Variants in UTS2B observed in about 807,000 individuals in gnomAD.
The protein encoded by UTS2B is urotensin 2B, also known as urotensin-2B.
In UTS2B, 21 loss-of-function variants were observed where a neutral mutation model predicts 19.2. The observed-to-expected ratio is 1.09, with a 90% CI of 0.78 to 1.58. The LOEUF (loss-of-function observed/expected upper bound fraction) is 1.58, where lower values mean the gene tolerates loss of function less well. Among genes scored for constraint, UTS2B ranks in the 40% most tolerant of loss-of-function variants. The probability of loss-of-function intolerance (pLI) is 0.00; values close to 1 mark genes in which losing one functional copy is unlikely to be tolerated. For synonymous variants in UTS2B, 57 were observed against 50.2 expected, an observed-to-expected ratio of 1.14 and a Z score of -0.58; for missense variants, 138 against 130.3, an observed-to-expected ratio of 1.06 and a Z score of -0.29.
At chr3:191,343,255 G>A in the UTS2B span, among the ~76,000 whole-genome samples, 4 of 152,172 alleles carry the variant, frequency 2.6e-5, no homozygotes, top group Non-Finnish European at 5.9e-5. Context: ...TTACAGGGGC[G>A]TAAACATAAG....
At position 191,329,826 on chromosome 3, in the gene UTS2B, G is replaced by A. The variant is rs1169410969; in HGVS notation, c.-665+588C>T. ...ATTTCGGCTCCCGCGGCCCTCGCCC[G>A]GTGCCCGCCCTGCGTTGGCCTTGCC... is the stretch of plus-strand genomic sequence containing the variant. On this transcript the variant is annotated intron_variant, in intron 1 of 8. Transcript: ENST00000340524. 6.5e-6 allele frequency: 8 copies of A among 1,230,286 alleles called. No homozygotes were observed. In the South Asian group the frequency reaches 8.0e-5, roughly 12 times the overall value. 76.2% of individuals were successfully genotyped at this position (1,230,286 alleles called of 1,614,324 possible).
chr3:191,327,714 AT>A (rs1717783137), intron 2 of UTS2B, among the ~76,000 whole-genome samples: 2 of 152,202 alleles, frequency 1.3e-5, no homozygotes, highest in Admixed American at 1.3e-4. Flanking sequence ...GGGCCTAGTG[AT>A]TTATCTGTAG....
At chr3:191,336,172 A>G in the UTS2B span, among the ~76,000 whole-genome samples, 1 of 151,424 alleles carries the variant, frequency 6.6e-6, no homozygotes, top group Non-Finnish European at 1.5e-5. Flanking sequence ...ATTTGAACAT[A>G]AGTTTTTGTT....
intron 3 of UTS2B, among the ~76,000 whole-genome samples, chr3:191,312,497 G>A (rs746355): frequency 0.23 from 34,943 of 151,978 alleles, 4,260 homozygotes; most frequent in South Asian, 0.29. Flanking sequence ...CCTGGCCTCA[G>A]GGACCCATCA....
chr3:191,286,690 T>C (rs2603678), intron 4 of UTS2B, among the ~76,000 whole-genome samples: 76,691 of 151,678 alleles, frequency 0.51, 21,127 homozygotes, highest in Middle Eastern at 0.63. Context: ...AATAAACACC[T>C]ATTACATCTC....
chr3:191,303,728 T>A (rs1384245562), intron 4 of UTS2B, among the ~76,000 whole-genome samples: 1 of 152,250 alleles, frequency 6.6e-6, no homozygotes. Flanking sequence ...TGAGTTCTGA[T>A]GTTTTTATCT....
At chr3:191,338,103 A>G in the UTS2B span, among the ~76,000 whole-genome samples, 9 of 152,132 alleles carry the variant, frequency 5.9e-5, no homozygotes, top group African/African-American at 2.2e-4. Flanking sequence ...AGGAGTTTTA[A>G]CTGCATATAG....
intron 3 of UTS2B, among the ~76,000 whole-genome samples, chr3:191,314,776 A>G (rs1275678168): frequency 6.6e-6 from 1 of 152,202 alleles, no homozygotes; most frequent in African/African-American, 2.4e-5. Flanking sequence ...AATCATGCCT[A>G]CATAATGAGG....
chr3:191,299,489 G>A (rs1049384068), intron 4 of UTS2B, among the ~76,000 whole-genome samples: 1 of 152,266 alleles, frequency 6.6e-6, no homozygotes, highest in Non-Finnish European at 1.5e-5. Flanking sequence ...CAAGCCATGA[G>A]CCTTGGCAGC....
chr3:191,282,567 T>C (rs1014425261), intron 4 of UTS2B, among the ~76,000 whole-genome samples: 1 of 152,228 alleles, frequency 6.6e-6, no homozygotes, highest in African/African-American at 2.4e-5. Flanking sequence ...TCACAATTTA[T>C]GGTTTAATTT....
intron 1 of UTS2B, chr3:191,329,086 G>C (rs377672567): frequency 2.6e-5 from 4 of 152,984 alleles, no homozygotes; most frequent in African/African-American, 9.6e-5. Flanking sequence ...CCGCTCACGG[G>C]AAAGACTATG....
At chr3:191,288,701 A>G (rs895525439) in intron 4 of UTS2B, among the ~76,000 whole-genome samples, 1 of 152,166 alleles carries the variant, frequency 6.6e-6, no homozygotes, top group African/African-American at 2.4e-5. Context: ...TTTCTGTACA[A>G]AATTTTATGG....
At chr3:191,329,672 G>A (rs780213766) in intron 1 of UTS2B, 1 of 1,608,852 alleles carries the variant, frequency 6.2e-7, no homozygotes, top group Non-Finnish European at 8.5e-7. Context: ...ACCCTGGCCC[G>A]GTATGGCTGA....
chr3:191,283,439 C>A (rs1716442330), intron 4 of UTS2B, among the ~76,000 whole-genome samples: 1 of 152,070 alleles, frequency 6.6e-6, no homozygotes, highest in Admixed American at 6.5e-5. Flanking sequence ...TGAGTCATAA[C>A]CTTTTTTTTC....
At chr3:191,335,612 T>C in the UTS2B span, among the ~76,000 whole-genome samples, 1 of 152,226 alleles carries the variant, frequency 6.6e-6, no homozygotes, top group Admixed American at 6.5e-5. Flanking sequence ...ATCATTTCGT[T>C]AAAAAAGCAT....
intron 4 of UTS2B, among the ~76,000 whole-genome samples, chr3:191,297,384 T>C (rs761603459): frequency 2.0e-5 from 3 of 152,176 alleles, no homozygotes; most frequent in Non-Finnish European, 4.4e-5. Context: ...GACCATTTCT[T>C]TGTTCACACA....
chr3:191,278,269 C>A, intron 5 of UTS2B, 99 bp from the exon 6 acceptor site: 4 of 601,908 alleles, frequency 6.6e-6, no homozygotes, highest in South Asian at 2.5e-5. Context: ...TATTTGACAA[C>A]GAAAGAAATG....
At chr3:191,273,493 G>C (rs1453524670) in intron 8 of UTS2B, 2 of 456,622 alleles carry the variant, frequency 4.4e-6, no homozygotes, top group Non-Finnish European at 8.8e-6. Context: ...AAGCTGGGAT[G>C]TATCCTTTAT....
chr3:191,316,968 G>A (rs560669161), intron 2 of UTS2B, among the ~76,000 whole-genome samples: 11 of 152,362 alleles, frequency 7.2e-5, no homozygotes, highest in African/African-American at 1.4e-4. Flanking sequence ...ATCCCACGCC[G>A]GGGCTGCCGG....
Sources: allele counts gnomAD v4.1 joint callset (sites outside exome capture counted in the v4.1 genomes callset), GRCh38; gene constraint gnomAD v4.1.1; transcripts MANE v1.5; gene names NCBI Gene and HGNC (gene_info 2026-07-23, HGNC 2026-07-21).